The following GRXCR1 variants were observed in gnomAD, a reference collection of about 807,000 sequenced individuals.
The protein encoded by GRXCR1 is glutaredoxin and cysteine rich domain containing 1.
In GRXCR1, 27 loss-of-function variants were observed where a neutral mutation model predicts 27.3. The ratio of observed to expected loss-of-function variants is 0.99; its 90% CI spans 0.73 to 1.37. GRXCR1 has a LOEUF of 1.37. Ranked by LOEUF, GRXCR1 falls within the 40% of genes most tolerant of loss-of-function variation. The probability of loss-of-function intolerance (pLI) is 0.00; values close to 1 mark genes in which losing one functional copy is unlikely to be tolerated. For synonymous variants in GRXCR1, 122 were observed against 131.1 expected, an observed-to-expected ratio of 0.93 and a Z score of 0.47; for missense variants, 379 against 354.4, an observed-to-expected ratio of 1.07 and a Z score of -0.56.
At chr4:42,958,329 C>A (rs1407210633) in intron 1 of GRXCR1, among the ~76,000 whole-genome samples, 1 of 151,912 alleles carries the variant, frequency 6.6e-6, no homozygotes, top group Non-Finnish European at 1.5e-5. Flanking sequence ...TAAGAAGATG[C>A]AATGGGAAAT....
At chr4:42,914,274 G>A (rs1366917752) in intron 1 of GRXCR1, among the ~76,000 whole-genome samples, 1 of 152,162 alleles carries the variant, frequency 6.6e-6, no homozygotes, top group African/African-American at 2.4e-5. Context: ...GCTGGGAGGG[G>A]GGCTGTATCC....
intron 1 of GRXCR1, among the ~76,000 whole-genome samples, chr4:42,928,491 T>C (rs576680573): frequency 8.0e-4 from 121 of 152,040 alleles, no homozygotes; most frequent in African/African-American, 2.9e-3. Context: ...TTTATATGAG[T>C]AATTGCGTTA....
At chr4:42,948,300 AAGAT>A (rs1188939358) in intron 1 of GRXCR1, among the ~76,000 whole-genome samples, 2 of 152,026 alleles carry the variant, frequency 1.3e-5, no homozygotes, top group African/African-American at 4.8e-5. Flanking sequence ...ACCAGTAGAA[AAGAT>A]AGATAAAGAA....
At chr4:42,978,449 T>C (rs898311443) in intron 2 of GRXCR1, among the ~76,000 whole-genome samples, 1 of 152,090 alleles carries the variant, frequency 6.6e-6, no homozygotes, top group Non-Finnish European at 1.5e-5. Flanking sequence ...AGAATATCTG[T>C]TCATTTATTT....
chr4:42,959,631 A>G (rs541250956), intron 1 of GRXCR1, among the ~76,000 whole-genome samples: 2 of 152,086 alleles, frequency 1.3e-5, no homozygotes, highest in Non-Finnish European at 2.9e-5. Context: ...GTATATCAAA[A>G]CATTATATTA....
rs532404491 is a variant in GRXCR1 at position 42,917,302 on chromosome 4, C to T, written c.384+23652C>T. ...ATCCCATCTCCTCTGGTGTTGATGG[C>T]ACAAATGAGAGCTCCGTGTTTCATT... On this transcript the variant is annotated intron_variant, in intron 1 of 3. Coordinates refer to ENST00000399770, the MANE Select transcript of GRXCR1 (RefSeq NM_001080476.3). 3.3e-5 allele frequency among the ~76,000 whole-genome samples: 5 copies of T among 152,206 alleles called. No individual in the cohort carries two copies. In the East Asian group the frequency reaches 7.7e-4, roughly 24 times the overall value.
intron 2 of GRXCR1, among the ~76,000 whole-genome samples, chr4:42,990,972 GT>G (rs1323247175): frequency 6.6e-6 from 1 of 151,932 alleles, no homozygotes; most frequent in East Asian, 1.9e-4. Context: ...TTATATTTTA[GT>G]TTTTATCAAT....
At chr4:43,006,692 C>T (rs1365985373) in intron 2 of GRXCR1, among the ~76,000 whole-genome samples, 1 of 152,200 alleles carries the variant, frequency 6.6e-6, no homozygotes, top group Non-Finnish European at 1.5e-5. Flanking sequence ...TCCTGTGGTC[C>T]TGTGATCTCG....
chr4:42,938,149 G>A (rs568999371), intron 1 of GRXCR1, among the ~76,000 whole-genome samples: 4 of 151,766 alleles, frequency 2.6e-5, no homozygotes, highest in East Asian at 1.9e-4. Flanking sequence ...TTAATATTTA[G>A]CCCCAATAAA....
At chr4:42,964,188 A>G (rs1216339788) in intron 2 of GRXCR1, among the ~76,000 whole-genome samples, 2 of 152,002 alleles carry the variant, frequency 1.3e-5, no homozygotes, top group African/African-American at 4.8e-5. Flanking sequence ...ATTTCAACAT[A>G]TATCCTTAGG....
intron 1 of GRXCR1, among the ~76,000 whole-genome samples, chr4:42,953,598 C>T (rs1175385406): frequency 6.6e-6 from 1 of 152,048 alleles, no homozygotes; most frequent in Non-Finnish European, 1.5e-5. Flanking sequence ...AGCCAAATTG[C>T]AAATTCATGA....
intron 2 of GRXCR1, among the ~76,000 whole-genome samples, chr4:43,009,697 T>C (rs917810997): frequency 2.0e-5 from 3 of 152,144 alleles, no homozygotes; most frequent in Non-Finnish European, 4.4e-5. Flanking sequence ...CTGGGTCCTC[T>C]TTTATAAGGG....
chr4:42,935,290 A>T (rs888156118), intron 1 of GRXCR1, among the ~76,000 whole-genome samples: 1 of 151,916 alleles, frequency 6.6e-6, no homozygotes, highest in African/African-American at 2.4e-5. Context: ...TAGCACCAAG[A>T]GATAGGAAAA....
chr4:42,932,609 TATATATATATAG>T (rs1346095389), intron 1 of GRXCR1, among the ~76,000 whole-genome samples: 60 of 51,206 alleles, frequency 1.2e-3, no homozygotes, highest in Non-Finnish European at 1.9e-3. Flanking sequence ...TATATATATA[TATATATATATAG>T]AGAGAGAGAG....
chr4:42,934,502 A>G (rs1463091617), intron 1 of GRXCR1, among the ~76,000 whole-genome samples: 1 of 151,810 alleles, frequency 6.6e-6, no homozygotes, highest in Non-Finnish European at 1.5e-5. Context: ...TGTGAATTAT[A>G]TGAAAGAACT....
chr4:42,956,453 T>C (rs1430680785), intron 1 of GRXCR1, among the ~76,000 whole-genome samples: 1 of 134,802 alleles, frequency 7.4e-6, no homozygotes, highest in African/African-American at 3.0e-5. Flanking sequence ...AAGAGGAGGA[T>C]TTTTTTTTTT....
At chr4:42,969,968 A>T (rs1748346802) in intron 2 of GRXCR1, among the ~76,000 whole-genome samples, 1 of 152,142 alleles carries the variant, frequency 6.6e-6, no homozygotes, top group Admixed American at 6.6e-5. Flanking sequence ...CAGGGATCAG[A>T]TAAAGGCTCC....
chr4:43,013,323 C>A (rs962329724), intron 2 of GRXCR1, among the ~76,000 whole-genome samples: 1 of 152,148 alleles, frequency 6.6e-6, no homozygotes, highest in Non-Finnish European at 1.5e-5. Context: ...AATCATGTCC[C>A]TTCTTAGCAA....
chr4:43,010,565 C>T (rs1211225543), intron 2 of GRXCR1, among the ~76,000 whole-genome samples: 2 of 151,802 alleles, frequency 1.3e-5, no homozygotes, highest in Non-Finnish European at 1.5e-5. Flanking sequence ...AGAGGATTCT[C>T]TAACTAAAAG....
Sources: gnomAD v4.1 joint callset for allele counts (sites outside exome capture counted in the v4.1 genomes callset) on GRCh38, gnomAD v4.1.1 for gene constraint, MANE v1.5 for transcripts, NCBI Gene and HGNC (gene_info 2026-07-23, HGNC 2026-07-21) for gene names.